ROBO2: variants seen among roughly 807,000 people sequenced by gnomAD.
ROBO2 encodes the protein roundabout homolog 2.
In ROBO2, 53 loss-of-function variants were observed where a neutral mutation model predicts 160.8. That is an observed-to-expected ratio of 0.33 (90% CI 0.26 to 0.41). The LOEUF (loss-of-function observed/expected upper bound fraction) is 0.41, where lower values mean the gene tolerates loss of function less well. Among genes scored for constraint, ROBO2 ranks in the 10% least tolerant of loss-of-function variants. ROBO2 has a pLI of 1.00. For synonymous variants in ROBO2, 664 were observed against 611.7 expected (o/e 1.09, Z -1.26); for missense variants, 1,577 against 1,722.4 (o/e 0.92, Z 1.49).
Position 76,630,227 on chromosome 3 carries a change from A to T in ROBO2, c.110-467787A>T, listed in dbSNP as rs190221744. ...CATCACAAAGATGTGCATGTTAGGT[A>T]TCTACGTCGTTCATGTCTGCATGAG... On this transcript the variant is annotated intron_variant, in intron 2 of 26. Transcript: ENST00000487694. 3.0e-3 allele frequency among the ~76,000 whole-genome samples: 452 copies of T among 152,260 alleles called. 8 individuals carry two copies. The highest frequency in any genetic ancestry group is 0.026 in the Admixed American group (398 of 15,302).
intron 2 of ROBO2, among the ~76,000 whole-genome samples, chr3:76,695,730 G>A (rs2593871): frequency 0.35 from 53,526 of 151,554 alleles, 9,817 homozygotes; most frequent in East Asian, 0.55. Context: ...GGTACCACTC[G>A]TTCTCCCATT....
At chr3:76,714,699 C>T (rs2093352164) in intron 2 of ROBO2, among the ~76,000 whole-genome samples, 1 of 152,074 alleles carries the variant, frequency 6.6e-6, no homozygotes, top group African/African-American at 2.4e-5. Context: ...AAATTAACAC[C>T]AGACTTAAGT....
At chr3:76,460,662 C>G (rs1025260378) in intron 2 of ROBO2, among the ~76,000 whole-genome samples, 1 of 152,190 alleles carries the variant, frequency 6.6e-6, no homozygotes, top group Non-Finnish European at 1.5e-5. Context: ...AGCAAATCCT[C>G]TAGTCCAATT....
intron 2 of ROBO2, among the ~76,000 whole-genome samples, chr3:76,329,302 T>G (rs1034748787): frequency 5.3e-5 from 8 of 152,170 alleles, no homozygotes; most frequent in Non-Finnish European, 1.0e-4. Context: ...CACTGCAACC[T>G]CCACCTGCTG....
At chr3:76,762,438 T>G (rs2061357991) in intron 2 of ROBO2, among the ~76,000 whole-genome samples, 1 of 133,044 alleles carries the variant, frequency 7.5e-6, no homozygotes, top group African/African-American at 2.5e-5. Context: ...ACAATGAGAA[T>G]CCAGCTGTTT....
At chr3:76,375,335 G>A (rs1338954931) in intron 2 of ROBO2, among the ~76,000 whole-genome samples, 1 of 151,904 alleles carries the variant, frequency 6.6e-6, no homozygotes, top group Non-Finnish European at 1.5e-5. Flanking sequence ...TTAAGCAAAG[G>A]CAAATAGATA....
chr3:77,051,226 C>A (rs1185815745), intron 1 of ROBO2, among the ~76,000 whole-genome samples: 1 of 152,052 alleles, frequency 6.6e-6, no homozygotes, highest in Admixed American at 6.6e-5. Context: ...GATTTGAAAG[C>A]CTGAATAATG....
At chr3:76,732,591 A>C (rs925297489) in intron 2 of ROBO2, among the ~76,000 whole-genome samples, 1 of 152,062 alleles carries the variant, frequency 6.6e-6, no homozygotes, top group Non-Finnish European at 1.5e-5. Context: ...CAGTTTTATT[A>C]AATTTTTTTG....
At chr3:76,681,590 T>G (rs2092562658) in intron 2 of ROBO2, among the ~76,000 whole-genome samples, 1 of 151,930 alleles carries the variant, frequency 6.6e-6, no homozygotes, top group Non-Finnish European at 1.5e-5. Flanking sequence ...GACCTAAAGA[T>G]GAAAGGGAAC....
exon 14 of ROBO2, chr3:77,574,704 C>A: frequency 6.2e-7 from 1 of 1,612,970 alleles, no homozygotes; most frequent in Non-Finnish European, 8.5e-7. Flanking sequence ...GATAGTGAAT[C>A]TAAAACGGTT....
chr3:77,077,573 G>A (rs1025660910), intron 1 of ROBO2, among the ~76,000 whole-genome samples: 2 of 152,176 alleles, frequency 1.3e-5, no homozygotes, highest in Admixed American at 1.3e-4. Context: ...TAAAAGGTTA[G>A]AGGAGAAAAA....
At chr3:77,602,648 T>TACC in intron 20 of ROBO2, 157 bp downstream of exon 21, 1 of 866,164 alleles carries the variant, frequency 1.2e-6, no homozygotes, top group East Asian at 2.7e-5. Context: ...GAGTAATTCC[T>TACC]ACCACCACCA....
chr3:76,357,213 C>T (rs181682958), intron 2 of ROBO2, among the ~76,000 whole-genome samples: 116 of 151,980 alleles, frequency 7.6e-4, no homozygotes, highest in Non-Finnish European at 8.8e-4. Flanking sequence ...AGCTGGAGGC[C>T]ATTATCCTGA....
intron 2 of ROBO2, among the ~76,000 whole-genome samples, chr3:77,251,709 C>G (rs1176197816): frequency 6.6e-6 from 1 of 152,022 alleles, no homozygotes; most frequent in African/African-American, 2.4e-5. Flanking sequence ...GGCGGTCTCC[C>G]CCATACTGTT....
At chr3:77,329,347 T>A (rs2065759090) in intron 2 of ROBO2, among the ~76,000 whole-genome samples, 1 of 152,238 alleles carries the variant, frequency 6.6e-6, no homozygotes, top group African/African-American at 2.4e-5. Context: ...TCTATTTTTA[T>A]TCTTTTATAC....
intron 2 of ROBO2, among the ~76,000 whole-genome samples, chr3:76,089,736 G>T (rs1159997554): frequency 6.6e-6 from 1 of 152,120 alleles, no homozygotes; most frequent in Non-Finnish European, 1.5e-5. Context: ...ATACGTAACA[G>T]TGAGAAACTC....
At chr3:77,602,335 G>T in exon 20 of ROBO2, 1 of 1,614,024 alleles carries the variant, frequency 6.2e-7, no homozygotes, top group Non-Finnish European at 8.5e-7. Flanking sequence ...AATAACACAG[G>T]CTACCCCATA....
intron 1 of ROBO2, among the ~76,000 whole-genome samples, chr3:75,932,775 A>G (rs184202388): frequency 6.6e-6 from 1 of 152,284 alleles, no homozygotes; most frequent in Admixed American, 6.5e-5. Flanking sequence ...CCTTGAAGAC[A>G]TTAATTAATT....
intron 24 of ROBO2, among the ~76,000 whole-genome samples, chr3:77,639,512 A>G (rs1237241246): frequency 6.6e-6 from 1 of 152,234 alleles, no homozygotes; most frequent in Non-Finnish European, 1.5e-5. Context: ...GACTGGAATA[A>G]CATAAGCAAA....
Sources: allele counts gnomAD v4.1 joint callset (sites outside exome capture counted in the v4.1 genomes callset), GRCh38; gene constraint gnomAD v4.1.1; transcripts MANE v1.5; gene names NCBI Gene and HGNC (gene_info 2026-07-23, HGNC 2026-07-21).